The following PAK6 variants were observed in gnomAD, a reference collection of about 807,000 sequenced individuals.
PAK6 encodes p21 (RAC1) activated kinase 6.
Under a neutral mutation model 60.8 loss-of-function variants are expected in PAK6, and 33 were observed. The ratio of observed to expected loss-of-function variants is 0.54; its 90% CI spans 0.41 to 0.73. PAK6 has a LOEUF of 0.73. Ranked by LOEUF, PAK6 falls within the 30% of genes least tolerant of loss-of-function variation. The pLI is 0.00. For synonymous variants in PAK6, 404 were observed against 378.5 expected, an observed-to-expected ratio of 1.07 and a Z score of -0.78; for missense variants, 845 against 904.1, an observed-to-expected ratio of 0.93 and a Z score of 0.84.
intron 5 of PAK6, among the ~76,000 whole-genome samples, chr15:40,269,516 G>A (rs750470977): frequency 6.6e-6 from 1 of 152,222 alleles, no homozygotes; most frequent in Admixed American, 6.5e-5. Context: ...AATTAATCCA[G>A]AGCCTGTAAC....
At chr15:40,270,899 C>T (rs753013839) in intron 5 of PAK6, among the ~76,000 whole-genome samples, 42 of 152,074 alleles carry the variant, frequency 2.8e-4, no homozygotes, top group Admixed American at 9.2e-4. Context: ...TGCGGGGGGT[C>T]GGGGAAGGAA....
chr15:40,262,724 G>A (rs1379387373), intron 3 of PAK6, among the ~76,000 whole-genome samples: 1 of 152,198 alleles, frequency 6.6e-6, no homozygotes, highest in Admixed American at 6.5e-5. Flanking sequence ...TGGAGGGCCT[G>A]AGCTTCAAGA....
intron 2 of PAK6, among the ~76,000 whole-genome samples, chr15:40,248,734 CA>C (rs1391924520): frequency 6.8e-6 from 1 of 146,224 alleles, no homozygotes; most frequent in Admixed American, 6.8e-5. Flanking sequence ...CTCCTACCCG[CA>C]CCCCAGCCCT....
intron 3 of PAK6, among the ~76,000 whole-genome samples, chr15:40,260,564 ATATC>A (rs2038956196): frequency 1.3e-5 from 2 of 152,178 alleles, no homozygotes; most frequent in Admixed American, 6.5e-5. Context: ...ATAAATCTTA[ATATC>A]TATTTAGTAC....
At chr15:40,249,144 G>A (rs981773372) in intron 2 of PAK6, among the ~76,000 whole-genome samples, 3 of 152,166 alleles carry the variant, frequency 2.0e-5, no homozygotes, top group South Asian at 2.1e-4. Context: ...GATGGAAAGG[G>A]CCAGGGATCT....
intron 2 of PAK6, chr15:40,252,771 A>G (rs1255299825): frequency 1.5e-6 from 2 of 1,301,294 alleles, no homozygotes; most frequent in African/African-American, 1.5e-5. Flanking sequence ...CTGGGTGCCC[A>G]TGCCCCGAAG....
chr15:40,273,409 T>C (rs1248673396), exon 8 of PAK6: 3 of 1,613,960 alleles, frequency 1.9e-6, no homozygotes, highest in African/African-American at 2.7e-5. Context: ...CCTACCTGCA[T>C]GCTCAGGGTG....
intron 5 of PAK6, among the ~76,000 whole-genome samples, chr15:40,268,911 T>C (rs574358834): frequency 1.3e-5 from 2 of 152,334 alleles, no homozygotes; most frequent in East Asian, 3.9e-4. Context: ...ACGGGCGTCC[T>C]GCGGGTTCCA....
intron 3 of PAK6, among the ~76,000 whole-genome samples, 188 bp downstream of exon 3, chr15:40,253,477 A>G (rs937115591): frequency 8.5e-5 from 13 of 152,220 alleles, no homozygotes; most frequent in Admixed American, 3.3e-4. Flanking sequence ...AGTCACTTAC[A>G]CCACTTTGCC....
At chr15:40,273,164 G>T (rs2039358087) in intron 7 of PAK6, among the ~76,000 whole-genome samples, 165 bp downstream of exon 7, 1 of 152,168 alleles carries the variant, frequency 6.6e-6, no homozygotes, top group African/African-American at 2.4e-5. Flanking sequence ...AGAAGAGAAG[G>T]ATAGCTTCTA....
chr15:40,273,096 G>C, intron 7 of PAK6, 97 bp downstream of exon 7: 1 of 1,482,110 alleles, frequency 6.7e-7, no homozygotes, highest in Non-Finnish European at 9.1e-7. Context: ...AGAAGACTTG[G>C]GATGCCTGGG....
chr15:40,263,706 C>T (rs1051029140), intron 3 of PAK6: 6 of 326,948 alleles, frequency 1.8e-5, no homozygotes, highest in South Asian at 1.4e-4. Context: ...CCTCAGCCTC[C>T]TGGGTTCAAG....
At chr15:40,271,929 G>A (rs564801484) in intron 5 of PAK6, among the ~76,000 whole-genome samples, 11 of 152,182 alleles carry the variant, frequency 7.2e-5, no homozygotes, top group South Asian at 2.1e-4. Context: ...AATACCCAGC[G>A]CAGGACCCGG....
At chr15:40,247,953 GT>G (rs1168079285) in intron 2 of PAK6, among the ~76,000 whole-genome samples, 1 of 152,142 alleles carries the variant, frequency 6.6e-6, no homozygotes, top group African/African-American at 2.4e-5. Context: ...AGGGCTGAGG[GT>G]TAAGAACCTT....
In PAK6 at chr15:40,273,019, G is replaced by A; in HGVS notation, c.1490+20G>A. On this transcript the variant is annotated intron_variant, in intron 7 of 10. Transcript: ENST00000560346. ...AGTCAGGTGGGCAGCTGGGAGGGCT[G>A]GACCCTGAGTGCAGGCTGCCCTCAC... 3 of 1,612,076 alleles carry A rather than the reference G, an allele frequency of 1.9e-6. No individual in the cohort carries two copies. The highest frequency in any genetic ancestry group is 2.5e-6 in the Non-Finnish European group (3 of 1,179,246).
In PAK6 at chr15:40,264,878, C is replaced by A. The variant is rs2039078553; in HGVS notation, c.93C>A (p.Gly31=). ...ACACCTCCTTCGACCCCAAAGAAGG[C>A]AAGTTTGTGGGCCTCCCCCCACAAT... The change falls in exon 4 of 11, where the codon GGC becomes GGA. Residue 31 remains glycine, a synonymous_variant. Coordinates refer to ENST00000560346, the Ensembl canonical transcript of PAK6. 5.0e-6 allele frequency: 8 copies of A among 1,613,874 alleles called. No individual in the cohort carries two copies. The Admixed American group carries it at 1.3e-4, about 27-fold the overall frequency.
intron 3 of PAK6, 104 bp from the exon 4 acceptor site, chr15:40,264,677 G>C (rs1030614538): frequency 2.2e-6 from 2 of 898,398 alleles, no homozygotes; most frequent in East Asian, 4.8e-5. Context: ...TTCTAGGGGA[G>C]CTGTGCTGGG....
chr15:40,267,638 G>T (rs931991031), intron 5 of PAK6, among the ~76,000 whole-genome samples: 1 of 152,104 alleles, frequency 6.6e-6, no homozygotes, highest in African/African-American at 2.4e-5. Flanking sequence ...CAGCCTGGGG[G>T]ACAGACAGAG....
At chr15:40,255,457 C>G (rs566071285) in intron 3 of PAK6, among the ~76,000 whole-genome samples, 1 of 152,332 alleles carries the variant, frequency 6.6e-6, no homozygotes, top group African/African-American at 2.4e-5. Context: ...CTCATCCTCC[C>G]AGGGCCTCTC....
Sources: allele counts gnomAD v4.1 joint callset (sites outside exome capture counted in the v4.1 genomes callset), GRCh38; gene constraint gnomAD v4.1.1; transcripts MANE v1.5; gene names NCBI Gene and HGNC (gene_info 2026-07-23, HGNC 2026-07-21).